CACNA2D4: variants seen among roughly 807,000 people sequenced by gnomAD.
CACNA2D4 encodes calcium voltage-gated channel auxiliary subunit alpha2delta 4.
Under a neutral mutation model 163.8 loss-of-function variants are expected in CACNA2D4, and 157 were observed. That is an observed-to-expected ratio of 0.96 (90% confidence interval 0.84 to 1.09). The LOEUF (loss-of-function observed/expected upper bound fraction) is 1.09. Ranked by LOEUF, CACNA2D4 falls within the 50% of genes least tolerant of loss-of-function variation. The pLI is 0.00. For missense variants in CACNA2D4, 1,410 were observed against 1,479.9 expected (o/e 0.95, Z 0.78); for synonymous variants, 598 against 586.9 (o/e 1.02, Z -0.27).
chr12:1,909,797 A>G (rs912580510), intron 4 of CACNA2D4, 109 bp downstream of exon 4: 17 of 849,514 alleles, frequency 2.0e-5, no homozygotes, highest in Middle Eastern at 3.1e-4. Context: ...GTAAATGTCT[A>G]TGGAATCAGT....
At chr12:1,861,881 C>G (rs934563880) in intron 18 of CACNA2D4, among the ~76,000 whole-genome samples, 2 of 152,222 alleles carry the variant, frequency 1.3e-5, no homozygotes, top group African/African-American at 4.8e-5. Context: ...TCTCTGCCTA[C>G]CCCTTCTGGT....
rs747744406 is a variant in CACNA2D4 at position 1,879,900 on chromosome 12, CAG to C, written c.1486-21_1486-20del. 15 of 1,576,866 alleles carry C rather than the reference CAG, an allele frequency of 9.5e-6. No homozygotes were observed. Among genetic ancestry groups the C allele is most frequent in the Admixed American group, 3.6e-5 (2 of 54,862 alleles). On this transcript the variant is annotated intron_variant, in intron 13 of 37. Coordinates refer to ENST00000382722, the MANE Select transcript of CACNA2D4 (RefSeq NM_172364.5). Reference sequence around the variant, plus strand: ...TGAGGAGCTGTAAGGGAGGGGAGAACAGGGGTCAGAAGGTGCGGCCTAGGGCC... The same window carrying C: ...TGAGGAGCTGTAAGGGAGGGGAGAACGGGTCAGAAGGTGCGGCCTAGGGCC...
chr12:1,861,289 C>T (rs998725955), intron 18 of CACNA2D4, among the ~76,000 whole-genome samples: 3 of 152,230 alleles, frequency 2.0e-5, no homozygotes, highest in South Asian at 2.1e-4. Flanking sequence ...GTCATGCCCT[C>T]TGGCTCCTCT....
chr12:1,860,335 A>G, intron 18 of CACNA2D4, 129 bp from the exon 19 acceptor site: 1 of 688,282 alleles, frequency 1.5e-6, no homozygotes, highest in Non-Finnish European at 2.6e-6. Context: ...CTCCTCCCTG[A>G]CCAGCCCCTA....
At chr12:1,910,481 C>T (rs1237077965) in intron 3 of CACNA2D4, among the ~76,000 whole-genome samples, 4 of 152,118 alleles carry the variant, frequency 2.6e-5, no homozygotes, top group Non-Finnish European at 4.4e-5. Context: ...GCTGTGGCAA[C>T]AGGGGATGTA....
At chr12:1,860,352 T>C in intron 18 of CACNA2D4, 146 bp from the exon 19 acceptor site, 1 of 652,632 alleles carries the variant, frequency 1.5e-6, no homozygotes, top group Non-Finnish European at 2.7e-6. Flanking sequence ...CCTACACACC[T>C]CATCCTAGTG....
At chr12:1,807,206 ACTTTGCTGTGAGCTGCCCTGTGAT>A (rs1863568943) in intron 29 of CACNA2D4, among the ~76,000 whole-genome samples, 1 of 151,768 alleles carries the variant, frequency 6.6e-6, no homozygotes, top group Non-Finnish European at 1.5e-5. Context: ...TGCACTGTGA[ACTTTGCTGTGAGCTGCCCTGTGAT>A]GGGAGAGGAG....
chr12:1,810,179 T>A (rs1863657197), intron 29 of CACNA2D4, 99 bp downstream of exon 29: 1 of 995,088 alleles, frequency 1.0e-6, no homozygotes, highest in Admixed American at 1.9e-5. Context: ...CAGGGTTCCC[T>A]CCTGGGGCCG....
chr12:1,810,703 G>T, intron 27 of CACNA2D4, 116 bp from the exon 28 acceptor site: 2 of 1,061,876 alleles, frequency 1.9e-6, no homozygotes, highest in South Asian at 1.4e-5. Flanking sequence ...GTGTGCATGG[G>T]GTGTGTATCT....
intron 1 of CACNA2D4, among the ~76,000 whole-genome samples, chr12:1,915,686 C>T (rs1248702908): frequency 6.6e-6 from 1 of 152,228 alleles, no homozygotes; most frequent in Non-Finnish European, 1.5e-5. Context: ...TGTAGGCAGC[C>T]TAGTGGGGAG....
In CACNA2D4 at chr12:1,801,568, A is replaced by G; in HGVS notation, c.2792+6T>C. ...TTTGGACTGGGGAGGAGTGTGCCCC[A>G]CTTACTGGCTGAACACCCCCATGCT... On this transcript the variant is annotated splice_donor_region_variant and intron_variant, in intron 30 of 37. Coordinates refer to ENST00000382722, the MANE Select transcript of CACNA2D4 (RefSeq NM_172364.5). 3 of 1,579,192 alleles carry G rather than the reference A, an allele frequency of 1.9e-6. No individual in the cohort carries two copies. Among genetic ancestry groups the G allele is most frequent in the South Asian group, 1.2e-5 (1 of 86,274 alleles).
At chr12:1,807,700 C>T (rs921089940) in intron 29 of CACNA2D4, among the ~76,000 whole-genome samples, 3 of 152,062 alleles carry the variant, frequency 2.0e-5, no homozygotes, top group Non-Finnish European at 4.4e-5. Context: ...CCAGGCACCA[C>T]ACCAGGCAGG....
At position 1,875,770 on chromosome 12, in the gene CACNA2D4, C is replaced by T. The variant is rs1387903325; in HGVS notation, c.1720-433G>A. On this transcript the variant is annotated intron_variant, in intron 16 of 37. Transcript: ENST00000382722. This position sits in a 1 kb window ranked among gnomAD's most constrained non-coding sequence, Gnocchi z 4.0. ...CCAAAGATACTTGTCACGCCTAAGA[C>T]TTCACTGCTCCAACTGAGTTTGCCC... Among the ~76,000 whole-genome samples, 1 of 152,244 alleles carries T rather than the reference C, an allele frequency of 6.6e-6. No homozygotes were observed. Among genetic ancestry groups the T allele is most frequent in the Admixed American group, 6.5e-5 (1 of 15,286 alleles).
At chr12:1,821,477 G>A (rs539232844) in intron 26 of CACNA2D4, among the ~76,000 whole-genome samples, 60 of 152,298 alleles carry the variant, frequency 3.9e-4, no homozygotes, top group African/African-American at 1.3e-3. Flanking sequence ...GAGAAGTATC[G>A]CAGCCCTTCC....
At chr12:1,795,821 C>G (rs1484633872) in intron 35 of CACNA2D4, 41 bp from the exon 36 acceptor site, 1 of 1,278,242 alleles carries the variant, frequency 7.8e-7, no homozygotes, top group Admixed American at 1.7e-5. Context: ...TCCGTGGCGA[C>G]CACGAGAAGG....
In CACNA2D4 at chr12:1,889,839, G is replaced by A. The variant is rs368045978; in HGVS notation, c.782-2770C>T. On this transcript the variant is annotated intron_variant, in intron 6 of 37. Coordinates refer to ENST00000382722, the MANE Select transcript of CACNA2D4 (RefSeq NM_172364.5). Reference sequence around the variant, plus strand: ...GGACAAGTAAAAATTTAAAAAATAAGATAATAGACTTCAAGATGGCTGACT... The same window carrying A: ...GGACAAGTAAAAATTTAAAAAATAAAATAATAGACTTCAAGATGGCTGACT... 9.2e-5 allele frequency among the ~76,000 whole-genome samples: 14 copies of A among 152,216 alleles called. 1 individual carries two copies. Among genetic ancestry groups the A allele is most frequent in the Admixed American group, 3.3e-4 (5 of 15,302 alleles).
At chr12:1,839,668 C>G (rs1209158717) in intron 26 of CACNA2D4, among the ~76,000 whole-genome samples, 1 of 152,218 alleles carries the variant, frequency 6.6e-6, no homozygotes, top group African/African-American at 2.4e-5. Context: ...GGGAGGCAGT[C>G]CACAGTGCCC....
Position 1,831,633 on chromosome 12 carries a change from A to C in CACNA2D4, c.2551+9106T>G, listed in dbSNP as rs1864635692. 3.6e-5 allele frequency: 34 copies of C among 949,982 alleles called. No homozygotes were observed. The South Asian group carries it at 5.4e-4, about 15-fold the overall frequency. The allele number at this position is 949,982 out of a possible 1,614,324, so 58.8% of individuals were successfully genotyped here. ...CTGACTCAGAGAGCAGGCCAGGGGA[A>C]AGAAGGGGGCGACCCTGCCTCTGTG... On this transcript the variant is annotated intron_variant, in intron 26 of 37. Coordinates refer to ENST00000382722, the MANE Select transcript of CACNA2D4 (RefSeq NM_172364.5).
In CACNA2D4 at chr12:1,834,963, G is replaced by A; in HGVS notation, c.2551+5776C>T. On this transcript the variant is annotated intron_variant, in intron 26 of 37. Transcript: ENST00000382722. The surrounding 1 kb of genome is among the most constrained non-coding windows in gnomAD (Gnocchi z 7.6). ...GCCAGTAAATCTTTGGAACATGTGG[G>A]GGATCTCCCTAAGCTCTGGCCACAG... 1.5e-6 allele frequency: 1 copy of A among 681,510 alleles called. No homozygotes were observed. Among genetic ancestry groups the A allele is most frequent in the Non-Finnish European group, 2.3e-6 (1 of 428,018 alleles). The allele number at this position is 681,510 out of a possible 1,614,324, so 42.2% of individuals were successfully genotyped here.
Sources: allele counts gnomAD v4.1 joint callset (sites outside exome capture counted in the v4.1 genomes callset), GRCh38; gene constraint gnomAD v4.1.1; non-coding constraint Gnocchi (gnomAD v3.1); transcripts MANE v1.5; gene names NCBI Gene and HGNC (gene_info 2026-07-23, HGNC 2026-07-21).